CDHR2: variants seen among roughly 807,000 people sequenced by gnomAD.
CDHR2 encodes the protein cadherin related family member 2.
CDHR2 carries 104 observed loss-of-function variants against 138.6 expected under a neutral mutation model. The observed-to-expected ratio is 0.75, with a 90% CI of 0.64 to 0.88. The LOEUF (loss-of-function observed/expected upper bound fraction) is 0.88, where lower values mean the gene tolerates loss of function less well. CDHR2 is among the 40% of genes least tolerant of loss of function. The pLI is 0.00. For missense variants in CDHR2, 1,624 were observed against 1,727.6 expected, an observed-to-expected ratio of 0.94 and a Z score of 1.06; for synonymous variants, 755 against 742.8, an observed-to-expected ratio of 1.02 and a Z score of -0.27.
intron 5 of CDHR2, 68 bp from the exon 6 acceptor site, chr5:176,571,145 G>A (rs1175065106): frequency 6.2e-6 from 6 of 974,298 alleles, no homozygotes; most frequent in African/African-American, 3.3e-5. Flanking sequence ...CTCTTTGTAC[G>A]ATACTTGCAA....
At chr5:176,564,345 C>T (rs1254595546) in intron 1 of CDHR2, among the ~76,000 whole-genome samples, 1 of 152,192 alleles carries the variant, frequency 6.6e-6, no homozygotes, top group Non-Finnish European at 1.5e-5. Flanking sequence ...ACCACCATGC[C>T]CGGCTAACGT....
chr5:176,565,223 G>C (rs1490052248), intron 1 of CDHR2, 115 bp from the exon 2 acceptor site: 1 of 741,354 alleles, frequency 1.3e-6, no homozygotes, highest in Non-Finnish European at 2.4e-6. Context: ...AGGCCCTGGG[G>C]GAGAACTACT....
In CDHR2 at chr5:176,584,519, C is replaced by A. The variant is rs1338132876; in HGVS notation, c.2238C>A (p.Gly746=). ...GSGANYFMIR[G]LVLGAGWAEG... ...GTGCCAACTACTTCATGATCCGAGG[C>A]TTGGTGCTGGGGGCTGGGTGGGCTG... The change falls in exon 19 of 32, where the codon GGC becomes GGA. Residue 746 remains glycine, a synonymous_variant. Coordinates refer to ENST00000261944, the MANE Select transcript of CDHR2 (RefSeq NM_017675.6). 2.9e-5 allele frequency: 46 copies of A among 1,613,528 alleles called. No individual in the cohort carries two copies. Among genetic ancestry groups the A allele is most frequent in the Non-Finnish European group, 3.9e-5 (46 of 1,179,762 alleles).
At chr5:176,573,000 G>T (rs1201053593) in intron 6 of CDHR2, among the ~76,000 whole-genome samples, 2 of 152,240 alleles carry the variant, frequency 1.3e-5, no homozygotes, top group East Asian at 3.8e-4. Flanking sequence ...ACTGCAGCGG[G>T]CACTGCTTTA....
chr5:176,574,222 A>G (rs769261111), intron 7 of CDHR2, 50 bp downstream of exon 7: 1 of 1,355,052 alleles, frequency 7.4e-7, no homozygotes, highest in East Asian at 2.3e-5. Context: ...AGGGGGCAGC[A>G]TCTCCACAGA....
rs7717065 is a variant in CDHR2 at position 176,587,173 on chromosome 5, C to T, written c.2856+331C>T. 4.0e-3 allele frequency among the ~76,000 whole-genome samples: 609 copies of T among 152,324 alleles called. 5 individuals carry two copies. Among genetic ancestry groups the T allele is most frequent in the African/African-American group, 0.014 (584 of 41,572 alleles). On this transcript the variant is annotated intron_variant, in intron 21 of 31. Transcript: ENST00000261944. ...TAAATAATTCTCAGAGCCAGCTGGG[C>T]ACGGTGGCTCAAGCCTGTAATCCCA...
At position 176,565,763 on chromosome 5, in the gene CDHR2, T is replaced by C. The variant is rs1397124687; in HGVS notation, c.124+20T>C. The C allele has an allele frequency of 6.2e-7, 1 of 1,606,114 alleles. No homozygotes were observed. Among genetic ancestry groups the C allele is most frequent in the Non-Finnish European group, 8.5e-7 (1 of 1,174,010 alleles). ...CTGTGGGTGAGTCCCGGTCCCTGTG[T>C]CTGCCCCATGTCAGGTCCTGACCCA... is the stretch of plus-strand genomic sequence containing the variant. On this transcript the variant is annotated intron_variant, in intron 3 of 31. Coordinates refer to ENST00000261944, the MANE Select transcript of CDHR2 (RefSeq NM_017675.6).
rs1757762594 is a variant in CDHR2 at position 176,553,756 on chromosome 5, C to T, written c.-16+4342C>T. On this transcript the variant is annotated intron_variant, in intron 1 of 31. Transcript: ENST00000261944. This position sits in a 1 kb window ranked among gnomAD's most constrained non-coding sequence, Gnocchi z 4.3. ...ACCACCATCTCCCTCCCCCAACTGT[C>T]ACCTCCACCAGCGCCACCTGCGTCT... 1.3e-5 allele frequency among the ~76,000 whole-genome samples: 2 copies of T among 151,390 alleles called. No individual in the cohort carries two copies. Among genetic ancestry groups the T allele is most frequent in the South Asian group, 4.2e-4 (2 of 4,750 alleles).
Position 176,591,329 on chromosome 5 carries a change from C to T in CDHR2, c.3653+6C>T. ...AACATGTACAACACTGAGCGGTGAGCAGGGGTCAAAGGGTAGGTAAGAGGC... is the reference window on the plus strand; with the variant it reads ...AACATGTACAACACTGAGCGGTGAGTAGGGGTCAAAGGGTAGGTAAGAGGC... On this transcript the variant is annotated splice_donor_region_variant and intron_variant, in intron 29 of 31. Transcript: ENST00000261944. The T allele has an allele frequency of 6.2e-7, 1 of 1,612,254 alleles. No individual in the cohort carries two copies. Among genetic ancestry groups the T allele is most frequent in the South Asian group, 1.1e-5 (1 of 91,044 alleles).
At chr5:176,567,896 G>A (rs1758119677) in intron 3 of CDHR2, among the ~76,000 whole-genome samples, 1 of 152,202 alleles carries the variant, frequency 6.6e-6, no homozygotes, top group Non-Finnish European at 1.5e-5. Context: ...CCCGGAGTGC[G>A]GGGATTACAG....
At chr5:176,590,018 G>C in intron 24 of CDHR2, 60 bp from the exon 25 acceptor site, 2 of 1,382,318 alleles carry the variant, frequency 1.4e-6, no homozygotes, top group Non-Finnish European at 2.1e-6. Context: ...CACTGGCACA[G>C]CCCTGGCCAC....
chr5:176,560,915 AGGGC>A (rs1271912299), intron 1 of CDHR2, among the ~76,000 whole-genome samples: 2 of 152,310 alleles, frequency 1.3e-5, no homozygotes, highest in Admixed American at 1.3e-4. Context: ...CTGGGGCTTC[AGGGC>A]GGGGTGCTGA....
chr5:176,547,561 A>G (rs1284686701), upstream of CDHR2: 5 of 145,720 alleles, frequency 3.4e-5, no homozygotes, highest in African/African-American at 1.4e-4. Context: ...TTCTGAGGCA[A>G]CCTAGTGGTC....
At chr5:176,591,949 G>GTGTTGGTGT (rs1758866433) in intron 30 of CDHR2, among the ~76,000 whole-genome samples, 1 of 90,582 alleles carries the variant, frequency 1.1e-5, no homozygotes, top group African/African-American at 4.4e-5. Context: ...GGTGATGATG[G>GTGTTGGTGT]TGATGATGAC....
In CDHR2 at chr5:176,595,762, G is replaced by A. The variant is rs1166114278; in HGVS notation, c.*90G>A. On this transcript the variant is annotated 3_prime_UTR_variant, in exon 32 of 32. Coordinates refer to ENST00000261944, the MANE Select transcript of CDHR2 (RefSeq NM_017675.6). ...CCTGGAGATGAAAATATATGACGCTGCCCTGCCTCCTGCTTTTGGCCAATC... is the reference window on the plus strand; with the variant it reads ...CCTGGAGATGAAAATATATGACGCTACCCTGCCTCCTGCTTTTGGCCAATC... 1.6e-6 allele frequency: 2 copies of A among 1,267,770 alleles called. No individual in the cohort carries two copies. The highest frequency in any genetic ancestry group is 2.1e-6 in the Non-Finnish European group (2 of 948,348). The allele number at this position is 1,267,770 out of a possible 1,614,324, so 78.5% of individuals were successfully genotyped here.
In CDHR2 at chr5:176,576,315, G is replaced by C; in HGVS notation, c.1194+130G>C. 1 of 710,606 alleles carries C rather than the reference G, an allele frequency of 1.4e-6. No homozygotes were observed. The highest frequency in any genetic ancestry group is 2.4e-6 in the Non-Finnish European group (1 of 419,962). The allele number at this position is 710,606 out of a possible 1,614,324, so 44.0% of individuals were successfully genotyped here. A position where few individuals can be genotyped will look rare whatever the true frequency, so the allele number is the denominator to read the frequency against. On this transcript the variant is annotated intron_variant, in intron 12 of 31. Coordinates refer to ENST00000261944, the MANE Select transcript of CDHR2 (RefSeq NM_017675.6). The surrounding 1 kb of genome is among the most constrained non-coding windows in gnomAD (Gnocchi z 4.5). ...GCAGGGTGTGATGGCGGAGAATGGG[G>C]GTGCTGGGTGCTCTCTGGAAGCCTG...
intron 16 of CDHR2, among the ~76,000 whole-genome samples, chr5:176,580,150 A>ACACACACT (rs1270477829): frequency 4.0e-5 from 6 of 148,920 alleles, no homozygotes; most frequent in South Asian, 2.1e-4. Flanking sequence ...ACGCACTCAC[A>ACACACACT]CACACACTCA....
chr5:176,578,569 C>T lies in CDHR2; in HGVS notation c.1779C>T (p.Phe593=), dbSNP rs757103923. The T allele has an allele frequency of 6.8e-6, 11 of 1,613,656 alleles. No homozygotes were observed. The highest frequency in any genetic ancestry group is 2.2e-5 in the East Asian group (1 of 44,880). Residue 593 remains phenylalanine, a synonymous_variant, in exon 16 of 32, where the codon TTC becomes TTT. Transcript: ENST00000261944. ...APVVSGSYNI[F]VQEEEGNVSV... is the part of the protein sequence containing the mutation. ...TGGTTAGCGGCTCCTACAACATCTT[C>T]GTCCAGGAGGAGGAGGGCAATGTCT...
intron 10 of CDHR2, 68 bp from the exon 11 acceptor site, chr5:176,575,656 A>G (rs1758358276): frequency 1.3e-6 from 2 of 1,599,140 alleles, no homozygotes; most frequent in Admixed American, 1.7e-5. Flanking sequence ...CCTGGAGGCA[A>G]TGGGCCTGGG....
Sources: gnomAD v4.1 joint callset for allele counts (sites outside exome capture counted in the v4.1 genomes callset) on GRCh38, gnomAD v4.1.1 for gene constraint, Gnocchi (gnomAD v3.1) non-coding constraint, MANE v1.5 for transcripts, NCBI Gene and HGNC (gene_info 2026-07-23, HGNC 2026-07-21) for gene names.